The following YLPM1 variants were observed in gnomAD, a reference collection of about 807,000 sequenced individuals.
YLPM1 encodes YLP motif containing 1, also known as YLP motif-containing protein 1.
In YLPM1, 99 loss-of-function variants were observed where a neutral mutation model predicts 230.0. The observed-to-expected ratio is 0.43, with a 90% confidence interval of 0.37 to 0.51. The LOEUF (loss-of-function observed/expected upper bound fraction) is 0.51, where lower values mean the gene tolerates loss of function less well. Among genes scored for constraint, YLPM1 ranks in the 20% least tolerant of loss-of-function variants. The pLI, the probability that YLPM1 is intolerant of heterozygous loss-of-function variation, is 0.00. For synonymous variants in YLPM1, 984 were observed against 942.5 expected, an observed-to-expected ratio of 1.04 and a Z score of -0.81; for missense variants, 2,592 against 2,707.7, an observed-to-expected ratio of 0.96 and a Z score of 0.95.
In YLPM1 at chr14:74,781,881, C is replaced by T; in HGVS notation, c.1838C>T (p.Thr613Ile). 2 of 1,613,764 alleles carry T rather than the reference C, an allele frequency of 1.2e-6. No homozygotes were observed. The highest frequency in any genetic ancestry group is 1.6e-4 in the Middle Eastern group (1 of 6,062). Residue 613 changes from threonine to isoleucine, a missense_variant, in exon 4 of 21, where the codon ACA becomes ATA. Thr to Ile is a moderately conservative substitution (Grantham distance 89). Around this residue, in one of 4 missense-constraint regions of YLPM1, gnomAD observed 1,862 missense variants for 1,819.8 expected, o/e 1.02. Transcript: ENST00000325680. ...PVLPPPSLSS[T>I]APPPVMPLPP... ...CTTCCCCCACCATCTCTCTCTTCAACAGCACCTCCACCTGTCATGCCCCTC... is the reference window on the plus strand; with the variant it reads ...CTTCCCCCACCATCTCTCTCTTCAATAGCACCTCCACCTGTCATGCCCCTC...
chr14:74,763,330 G>A lies in YLPM1; in HGVS notation c.-160G>A. On this transcript the variant is annotated 5_prime_UTR_variant, in exon 1 of 21. Transcript: ENST00000325680. ...CGCGTCCCCGCCTTCCCGGTCGCGG[G>A]CCCAGCTCGGGAGCGCCGGCGCACT... 17 of 822,950 alleles carry A rather than the reference G, an allele frequency of 2.1e-5. No homozygotes were observed. The highest frequency in any genetic ancestry group is 4.1e-4 in the Middle Eastern group (1 of 2,430). The allele number at this position is 822,950 out of a possible 1,614,324, so 51.0% of individuals were successfully genotyped here.
Position 74,822,993 on chromosome 14 carries a change from T to C in YLPM1, c.6112-1263T>C, listed in dbSNP as rs2091534681. Among the ~76,000 whole-genome samples the C allele has an allele frequency of 2.6e-5, 4 of 152,232 alleles. No individual in the cohort carries two copies. The South Asian group carries it at 8.3e-4, about 32-fold the overall frequency. ...AAGATGTAACTTGTCTTCAGTACTT[T>C]TAGCACTATCACTTCAGTATAGCTT... On this transcript the variant is annotated intron_variant, in intron 17 of 20. Transcript: ENST00000325680.
chr14:74,781,696 C>T lies in YLPM1; in HGVS notation c.1653C>T (p.Leu551=), dbSNP rs1246232639. The change falls in exon 4 of 21, where the codon CTC becomes CTT. Residue 551 remains leucine, a synonymous_variant. Transcript: ENST00000325680. ...SLPPPVMPPA[L]PATVPPPGMP... is the part of the protein sequence containing the mutation. ...CACCACCAGTGATGCCCCCTGCCCT[C>T]CCTGCTACAGTGCCACCACCTGGCA... 3 of 1,612,666 alleles carry T rather than the reference C, an allele frequency of 1.9e-6. No homozygotes were observed. The highest frequency in any genetic ancestry group is 2.7e-5 in the African/African-American group (2 of 74,502).
In YLPM1 at chr14:74,763,506, G is replaced by A. The variant is rs1034504673; in HGVS notation, c.17G>A (p.Gly6Asp). 1.3e-6 allele frequency: 2 copies of A among 1,494,804 alleles called. No individual in the cohort carries two copies. The highest frequency in any genetic ancestry group is 4.4e-5 in the Admixed American group (2 of 45,124). The allele number at this position is 1,494,804 out of a possible 1,614,324, so 92.6% of individuals were successfully genotyped here. MYPNW[G>D]RYGGSSHYPP... The stretch of plus-strand genomic sequence containing the variant: ...TTTTTCGATATGTACCCGAATTGGG[G>A]CCGGTATGGCGGGAGCAGCCACTAT... Residue 6 changes from glycine (G) to aspartate (D), a missense_variant, in exon 1 of 21, where the codon GGC becomes GAC. Gly to Asp is a moderately conservative substitution (Grantham distance 94, BLOSUM62 -1). Around this residue, in one of 4 missense-constraint regions of YLPM1, gnomAD observed 1,862 missense variants for 1,819.8 expected, o/e 1.02. Transcript: ENST00000325680.
chr14:74,814,437 A>G (rs142318715), intron 11 of YLPM1, among the ~76,000 whole-genome samples: 264 of 152,338 alleles, frequency 1.7e-3, no homozygotes, highest in African/African-American at 5.9e-3. Flanking sequence ...GTTCCCTTCT[A>G]TTCCTAGTTT....
rs199569371 is a variant in YLPM1, at chr14:74,798,059, C to A, written c.2762C>A (p.Pro921His). 3.9e-5 allele frequency: 63 copies of A among 1,613,852 alleles called. No homozygotes were observed. In the African/African-American group the frequency reaches 7.9e-4, roughly 20 times the overall value. ...KSEVSEGPVE[P>H]SNWDQNVQSM... Reference sequence around the variant, plus strand: ...GAAGTCTCGGAAGGGCCCGTAGAGCCCTCTAATTGGGACCAGAATGTTCAA... The same window carrying A: ...GAAGTCTCGGAAGGGCCCGTAGAGCACTCTAATTGGGACCAGAATGTTCAA... Residue 921 changes from proline to histidine, a missense_variant, in exon 5 of 21, where the codon CCC becomes CAC. Physicochemically the swap from Pro to His is moderately conservative, Grantham distance 77. Around this residue, in one of 4 missense-constraint regions of YLPM1, gnomAD observed 1,862 missense variants for 1,819.8 expected, o/e 1.02. Coordinates refer to ENST00000325680, the MANE Select transcript of YLPM1 (RefSeq NM_019589.3).
chr14:74,769,702 C>G (rs1051226283), intron 1 of YLPM1, among the ~76,000 whole-genome samples: 2 of 150,848 alleles, frequency 1.3e-5, no homozygotes, highest in African/African-American at 4.9e-5. Context: ...GGATTACAGG[C>G]GTAAGCTGCC....
intron 12 of YLPM1, 38 bp downstream of exon 12, chr14:74,816,303 T>C: frequency 2.5e-6 from 4 of 1,589,612 alleles, no homozygotes; most frequent in Non-Finnish European, 3.4e-6. Flanking sequence ...CTGCTTGTGC[T>C]GCTTGTGTTA....
At chr14:74,775,642 G>C (rs561787539) in intron 1 of YLPM1, among the ~76,000 whole-genome samples, 1 of 152,178 alleles carries the variant, frequency 6.6e-6, no homozygotes, top group African/African-American at 2.4e-5. Context: ...TGATGGAATT[G>C]TTATAAATGA....
At chr14:74,808,791 T>G in intron 6 of YLPM1, among the ~76,000 whole-genome samples, 2 of 134,006 alleles carry the variant, frequency 1.5e-5, no homozygotes, top group Admixed American at 8.0e-5. Context: ...GCAACAAGAG[T>G]GAAACTCCGT....
At position 74,799,649 on chromosome 14, in the gene YLPM1, G is replaced by A. The variant is rs201719389; in HGVS notation, c.4352G>A (p.Arg1451Lys). The part of the protein sequence containing the change: ...GLGGVMVLSQ[R>K]QHEIILKAAQ... ...GGAGGGGTAATGGTTCTCAGTCAGA[G>A]GCAGCATGAAATCATTTTGAAAGCT... Residue 1451 changes from arginine (R) to lysine (K), a missense_variant, in exon 5 of 21, where the codon AGG becomes AAG. Transcript: ENST00000325680. 199 of 1,613,166 alleles carry A rather than the reference G, an allele frequency of 1.2e-4. 2 individuals carry two copies. Among genetic ancestry groups the A allele is most frequent in the Non-Finnish European group, 5.1e-6 (6 of 1,179,402 alleles).
rs34023289 is a variant in YLPM1 at position 74,769,259 on chromosome 14, C to CTTTTTTTTTTTTTTTTT, written c.873+4910_873+4926dup. ...CCGGCTAATTTTTTTGTATTTTTAT[C>CTTTTTTTTTTTTTTTTT]TTTTTTTTTTTTTTTTTTTTTTTTT... On this transcript the variant is annotated intron_variant, in intron 1 of 20. Coordinates refer to ENST00000325680, the MANE Select transcript of YLPM1 (RefSeq NM_019589.3). Among the ~76,000 whole-genome samples, 6 of 38,400 alleles carry CTTTTTTTTTTTTTTTTT rather than the reference C, an allele frequency of 1.6e-4. 1 individual carries two copies. Among genetic ancestry groups the CTTTTTTTTTTTTTTTTT allele is most frequent in the Non-Finnish European group, 1.6e-4 (3 of 18,748 alleles). 25.2% of individuals were successfully genotyped at this position (38,400 alleles called of 152,430 possible).
Position 74,798,188 on chromosome 14 carries a change from G to A in YLPM1, c.2891G>A (p.Gly964Glu). 3 of 1,613,920 alleles carry A rather than the reference G, an allele frequency of 1.9e-6. No individual in the cohort carries two copies. The highest frequency in any genetic ancestry group is 2.5e-6 in the Non-Finnish European group (3 of 1,179,884). ...AQSTFPSKTGGMEGGTAVATS... is the reference protein window; with the variant it reads ...AQSTFPSKTGEMEGGTAVATS... ...TCTACTTTTCCTTCAAAAACAGGGG[G>A]GATGGAGGGAGGAACAGCAGTAGCA... Residue 964 changes from glycine (G) to glutamate (E), a missense_variant, in exon 5 of 21, where the codon GGG becomes GAG. Physicochemically the swap from Gly to Glu is moderately conservative, Grantham distance 98. Transcript: ENST00000325680.
At position 74,764,035 on chromosome 14, in the gene YLPM1, C is replaced by T. The variant is rs757422623; in HGVS notation, c.546C>T (p.Pro182=). The change falls in exon 1 of 21, where the codon CCC becomes CCT. Residue 182 remains proline (P), a synonymous_variant. Coordinates refer to ENST00000325680, the MANE Select transcript of YLPM1 (RefSeq NM_019589.3). ...PSYYPPTSSQ[P]YLPPAQPSPS... Reference sequence around the variant, plus strand: ...ACTACCCCCCGACCTCATCTCAGCCCTACCTGCCTCCTGCTCAGCCGTCCC... The same window carrying T: ...ACTACCCCCCGACCTCATCTCAGCCTTACCTGCCTCCTGCTCAGCCGTCCC... 2 of 1,611,916 alleles carry T rather than the reference C, an allele frequency of 1.2e-6. No homozygotes were observed. The highest frequency in any genetic ancestry group is 1.7e-6 in the Non-Finnish European group (2 of 1,179,302).
chr14:74,763,376 T>C lies in YLPM1; in HGVS notation c.-114T>C. 7.6e-7 allele frequency: 1 copy of C among 1,312,838 alleles called. No homozygotes were observed. The highest frequency in any genetic ancestry group is 9.9e-7 in the Non-Finnish European group (1 of 1,007,208). 81.3% of individuals were successfully genotyped at this position (1,312,838 alleles called of 1,614,324 possible). A position where few individuals can be genotyped will look rare whatever the true frequency, so the allele number is the denominator to read the frequency against. On this transcript the variant is annotated 5_prime_UTR_variant, in exon 1 of 21. Transcript: ENST00000325680. ...GCACTGGCGCGCTCCGTTTACACGC[T>C]CCGGGGCCTGTAGGCGCCGCGAGTT... is the stretch of plus-strand genomic sequence containing the variant.
intron 6 of YLPM1, 40 bp from the exon 7 acceptor site, chr14:74,809,340 T>C (rs1207867905): frequency 6.4e-7 from 1 of 1,554,944 alleles, no homozygotes; most frequent in Non-Finnish European, 8.6e-7. Flanking sequence ...AAAAACATAG[T>C]GGTATACTTG....
intron 4 of YLPM1, among the ~76,000 whole-genome samples, chr14:74,793,422 A>AT (rs970218773): frequency 6.6e-6 from 1 of 151,370 alleles, no homozygotes; most frequent in Non-Finnish European, 1.5e-5. Context: ...AGAATTGGAA[A>AT]TTTTTTTTTC....
In YLPM1 at chr14:74,798,736, C is replaced by CCTG; in HGVS notation, c.3441_3442insGCT (p.Pro1147_Arg1148insAla). The CCTG allele has an allele frequency of 2.5e-6, 4 of 1,612,852 alleles. No homozygotes were observed. The highest frequency in any genetic ancestry group is 3.4e-6 in the Non-Finnish European group (4 of 1,179,230). ...AGCTGGGAGCAGGGAGAGAGGACCACCTCGAGGGCCTGGCAGTCGAGAAAG... is the reference window on the plus strand; with the variant it reads ...AGCTGGGAGCAGGGAGAGAGGACCACCTGCTCGAGGGCCTGGCAGTCGAGAAAG... On this transcript the variant is annotated inframe_insertion, in exon 5 of 21. Transcript: ENST00000325680.
intron 4 of YLPM1, among the ~76,000 whole-genome samples, chr14:74,784,596 T>C (rs2091128593): frequency 6.6e-6 from 1 of 152,224 alleles, no homozygotes; most frequent in Admixed American, 6.5e-5. Context: ...TGCTTAACAT[T>C]GGCATTGTGA....
Sources: allele counts gnomAD v4.1 joint callset (sites outside exome capture counted in the v4.1 genomes callset), GRCh38; gene constraint gnomAD v4.1.1; regional missense constraint gnomAD v4.1.1; transcripts MANE v1.5; gene names NCBI Gene and HGNC (gene_info 2026-07-23, HGNC 2026-07-21).